The following RNLS variants were observed in gnomAD, a reference collection of about 807,000 sequenced individuals.
RNLS encodes the protein renalase.
In RNLS, 39 loss-of-function variants were observed where a neutral mutation model predicts 39.8. That is an observed-to-expected ratio of 0.98 (90% CI 0.76 to 1.28). The LOEUF is 1.28. Ranked by LOEUF, RNLS falls within the 50% of genes most tolerant of loss-of-function variation. The pLI is 0.00. For synonymous variants in RNLS, 147 were observed against 150.7 expected (o/e 0.98, Z 0.18); for missense variants, 410 against 413.3 (o/e 0.99, Z 0.07).
At chr10:88,552,562 A>G (rs1254184978) in intron 4 of RNLS, among the ~76,000 whole-genome samples, 1 of 152,254 alleles carries the variant, frequency 6.6e-6, no homozygotes, top group African/African-American at 2.4e-5. Flanking sequence ...TTCATGCTTA[A>G]GGACAACAGT....
At chr10:88,568,947 C>T (rs1424183125) in intron 4 of RNLS, among the ~76,000 whole-genome samples, 1 of 152,148 alleles carries the variant, frequency 6.6e-6, no homozygotes, top group East Asian at 1.9e-4. Context: ...ATGCATACCT[C>T]GATACAACCA....
At chr10:88,523,772 C>T (rs1382852361) in intron 4 of RNLS, among the ~76,000 whole-genome samples, 1 of 152,060 alleles carries the variant, frequency 6.6e-6, no homozygotes, top group Non-Finnish European at 1.5e-5. Flanking sequence ...TCAAGGCAAG[C>T]GTGGTTTCAG....
In RNLS at chr10:88,428,694, A is replaced by C. The variant is rs539840277; in HGVS notation, c.527-65969T>G. On this transcript the variant is annotated intron_variant, in intron 4 of 6. Transcript: ENST00000331772. ...CTATTATAGAACTGGGGCAAATGCCAAGAGCACTGAATTCAAAGGGACACT... is the reference window on the plus strand; with the variant it reads ...CTATTATAGAACTGGGGCAAATGCCCAGAGCACTGAATTCAAAGGGACACT... 1.0e-3 allele frequency among the ~76,000 whole-genome samples: 152 copies of C among 152,138 alleles called. 1 individual carries two copies. Among genetic ancestry groups the C allele is most frequent in the Non-Finnish European group, 1.7e-3 (115 of 67,910 alleles).
the RNLS span, among the ~76,000 whole-genome samples, chr10:88,214,772 T>C: frequency 6.6e-6 from 1 of 152,212 alleles, no homozygotes; most frequent in African/African-American, 2.4e-5. Context: ...TTGTAGAGGC[T>C]GAACAAATGA....
chr10:88,524,956 C>CACACACACACATATATATATATAT (rs768939981), intron 4 of RNLS, among the ~76,000 whole-genome samples: 1 of 76,296 alleles, frequency 1.3e-5, no homozygotes, highest in Non-Finnish European at 2.6e-5. Flanking sequence ...ATGGCACACA[C>CACACACACACATATATATATATAT]ATACATATAT....
chr10:88,505,145 G>GGCAGA (rs1298368694), intron 4 of RNLS, among the ~76,000 whole-genome samples: 14 of 151,922 alleles, frequency 9.2e-5, no homozygotes, highest in Non-Finnish European at 2.1e-4. Flanking sequence ...AAAAGAAATG[G>GGCAGA]TTGATTCCAG....
chr10:88,566,670 A>T (rs1849519057), intron 4 of RNLS, among the ~76,000 whole-genome samples: 1 of 152,178 alleles, frequency 6.6e-6, no homozygotes, highest in Admixed American at 6.5e-5. Flanking sequence ...CATGGAGAAA[A>T]GGCTAGAAAA....
At chr10:88,490,044 T>C (rs1241842683) in intron 4 of RNLS, among the ~76,000 whole-genome samples, 1 of 152,178 alleles carries the variant, frequency 6.6e-6, no homozygotes, top group Non-Finnish European at 1.5e-5. Context: ...CTTTTAAAAA[T>C]AAATGTTTTA....
chr10:88,229,587 T>C, the RNLS span, among the ~76,000 whole-genome samples: 2 of 152,196 alleles, frequency 1.3e-5, no homozygotes, highest in South Asian at 4.1e-4. Flanking sequence ...ATCCACAGAA[T>C]TGTGTGGCCA....
chr10:88,338,758 CT>C (rs36061512), intron 5 of RNLS, among the ~76,000 whole-genome samples: 325 of 112,484 alleles, frequency 2.9e-3, no homozygotes, highest in South Asian at 0.011. Context: ...GCTAGATTTC[CT>C]TTTTTTTTTT....
the RNLS span, among the ~76,000 whole-genome samples, chr10:88,245,878 A>G: frequency 6.6e-6 from 1 of 152,114 alleles, no homozygotes; most frequent in Non-Finnish European, 1.5e-5. Flanking sequence ...GCAACCTCGA[A>G]TCCCACCATC....
intron 5 of RNLS, among the ~76,000 whole-genome samples, chr10:88,344,875 A>G (rs570964242): frequency 6.6e-6 from 1 of 152,306 alleles, no homozygotes; most frequent in East Asian, 1.9e-4. Flanking sequence ...TGGAATTTCA[A>G]GAGATTCTTT....
At position 88,406,713 on chromosome 10, in the gene RNLS, C is replaced by G. The variant is rs201015918; in HGVS notation, c.527-43988G>C. Among the ~76,000 whole-genome samples, 12 of 152,096 alleles carry G rather than the reference C, an allele frequency of 7.9e-5. No individual in the cohort carries two copies. In the East Asian group the frequency reaches 2.3e-3, roughly 30 times the overall value. Reference sequence around the variant, plus strand: ...GCAATCCCACTACTGGGTATCTACCCAGAGGAAAAGAAGTCATTATTCAAA... The same window carrying G: ...GCAATCCCACTACTGGGTATCTACCGAGAGGAAAAGAAGTCATTATTCAAA... On this transcript the variant is annotated intron_variant, in intron 4 of 6. Coordinates refer to ENST00000331772, the MANE Select transcript of RNLS (RefSeq NM_001031709.3).
At chr10:88,544,023 C>T (rs1258267320) in intron 4 of RNLS, among the ~76,000 whole-genome samples, 1 of 152,142 alleles carries the variant, frequency 6.6e-6, no homozygotes, top group South Asian at 2.1e-4. Context: ...GGAACCCTCG[C>T]TCAGGCTCAG....
the RNLS span, among the ~76,000 whole-genome samples, chr10:88,232,540 C>T: frequency 6.6e-6 from 1 of 152,200 alleles, no homozygotes; most frequent in Non-Finnish European, 1.5e-5. Flanking sequence ...TTTAGCCTCC[C>T]AAGTAGCTAG....
At chr10:88,582,975 C>T in intron 1 of RNLS, 98 bp downstream of exon 1, 18 of 1,368,860 alleles carry the variant, frequency 1.3e-5, no homozygotes, top group Non-Finnish European at 1.3e-5. Flanking sequence ...GAGGGTATAG[C>T]GTTTTCGCCT....
intron 5 of RNLS, among the ~76,000 whole-genome samples, chr10:88,356,150 AC>A (rs1564725776): frequency 2.6e-5 from 4 of 152,048 alleles, no homozygotes; most frequent in Admixed American, 2.0e-4. Context: ...GGAATTCCCT[AC>A]CCCTTGCGCT....
At chr10:88,377,441 TAGAG>T (rs1399711835) in intron 4 of RNLS, among the ~76,000 whole-genome samples, 1 of 152,160 alleles carries the variant, frequency 6.6e-6, no homozygotes, top group African/African-American at 2.4e-5. Flanking sequence ...GTGAATATCA[TAGAG>T]AGTACTTACA....
the RNLS span, among the ~76,000 whole-genome samples, chr10:88,251,021 A>C: frequency 6.6e-6 from 1 of 152,198 alleles, no homozygotes; most frequent in Non-Finnish European, 1.5e-5. Context: ...ATTCATAATA[A>C]TTTTATCTTT....
Sources: allele counts gnomAD v4.1 joint callset (sites outside exome capture counted in the v4.1 genomes callset), GRCh38; gene constraint gnomAD v4.1.1; transcripts MANE v1.5; gene names NCBI Gene and HGNC (gene_info 2026-07-23, HGNC 2026-07-21).